The following DOCK10 variants were observed in gnomAD, a reference collection of about 807,000 sequenced individuals.
DOCK10 encodes dedicator of cytokinesis protein 10.
A neutral mutation model predicts 280.1 loss-of-function variants in DOCK10; 145 were observed. The ratio of observed to expected loss-of-function variants is 0.52; its 90% confidence interval spans 0.45 to 0.59. The LOEUF is 0.59. Among genes scored for constraint, DOCK10 ranks in the 20% least tolerant of loss-of-function variants. The pLI is 0.00. For missense variants in DOCK10, 2,368 were observed against 2,651.7 expected, an observed-to-expected ratio of 0.89 and a Z score of 2.35; for synonymous variants, 915 against 942.2, an observed-to-expected ratio of 0.97 and a Z score of 0.53.
intron 31 of DOCK10, among the ~76,000 whole-genome samples, chr2:224,812,795 A>C (rs905156981): frequency 6.6e-6 from 1 of 152,106 alleles, no homozygotes; most frequent in Non-Finnish European, 1.5e-5. Flanking sequence ...ACACTTATTG[A>C]TTTGCGTATG....
At chr2:224,924,214 T>A (rs956237576) in intron 2 of DOCK10, among the ~76,000 whole-genome samples, 1 of 152,240 alleles carries the variant, frequency 6.6e-6, no homozygotes, top group Non-Finnish European at 1.5e-5. Flanking sequence ...ATAACTGATC[T>A]GTCATAAAAT....
At chr2:224,967,082 CTTT>C (rs11381058) in intron 1 of DOCK10, among the ~76,000 whole-genome samples, 1 of 142,942 alleles carries the variant, frequency 7.0e-6, no homozygotes. Flanking sequence ...ATCCTCTAGT[CTTT>C]TTTTTTTTTT....
At chr2:224,962,883 A>G (rs1490365894) in intron 1 of DOCK10, among the ~76,000 whole-genome samples, 1 of 152,232 alleles carries the variant, frequency 6.6e-6, no homozygotes, top group East Asian at 1.9e-4. Context: ...ACAATTAGGC[A>G]GCCTAGGATT....
chr2:224,850,273 T>C (rs1005257299), intron 18 of DOCK10, among the ~76,000 whole-genome samples: 22 of 152,194 alleles, frequency 1.4e-4, no homozygotes, highest in African/African-American at 5.1e-4. Context: ...CTTTCACTAT[T>C]TTCTGAGTCA....
chr2:225,027,203 G>C (rs1244967087), intron 1 of DOCK10, among the ~76,000 whole-genome samples: 1 of 152,136 alleles, frequency 6.6e-6, no homozygotes, highest in Admixed American at 6.5e-5. Context: ...GCCCTACACA[G>C]ACCTCGCCTG....
At chr2:225,014,081 A>ATATATATATATATATATTTTTT (rs776104946) in intron 1 of DOCK10, among the ~76,000 whole-genome samples, 13 of 96,798 alleles carry the variant, frequency 1.3e-4, no homozygotes, top group African/African-American at 6.1e-4. Flanking sequence ...GTCTGAATAT[A>ATATATATATATATATATTTTTT]TTGTTTTTTT....
At chr2:224,876,327 T>C in intron 7 of DOCK10, 106 bp from the exon 8 acceptor site, 1 of 993,494 alleles carries the variant, frequency 1.0e-6, no homozygotes, top group Non-Finnish European at 1.4e-6. Flanking sequence ...TCCATACAGA[T>C]AGATAACATA....
chr2:224,824,934 A>G (rs567799714), intron 27 of DOCK10, among the ~76,000 whole-genome samples: 1 of 151,566 alleles, frequency 6.6e-6, no homozygotes, highest in African/African-American at 2.4e-5. Context: ...ACAGATATTT[A>G]ATGGAATTTA....
chr2:224,834,662 A>G (rs996457500), intron 25 of DOCK10, among the ~76,000 whole-genome samples: 1 of 152,168 alleles, frequency 6.6e-6, no homozygotes, highest in African/African-American at 2.4e-5. Flanking sequence ...CAAGTGGGGA[A>G]GCCAGTGCCT....
chr2:224,812,086 A>G (rs1693821434), intron 31 of DOCK10, among the ~76,000 whole-genome samples: 1 of 152,072 alleles, frequency 6.6e-6, no homozygotes, highest in Admixed American at 6.5e-5. Context: ...CAGTATGGCC[A>G]TTTTCACAAT....
rs1477229010 is a variant in DOCK10 at position 224,805,763 on chromosome 2, T to A, written c.3815-234A>T. On this transcript the variant is annotated intron_variant, in intron 34 of 55. Coordinates refer to ENST00000258390, the MANE Select transcript of DOCK10 (RefSeq NM_014689.3). This position sits in a 1 kb window ranked among gnomAD's most constrained non-coding sequence, Gnocchi z 4.3. ...GGGGCTTTCAACTTTTGACTGTTTA[T>A]GAGAAACTGAAATGACATTTCCAAA... 6.6e-6 allele frequency among the ~76,000 whole-genome samples: 1 copy of A among 152,164 alleles called. No individual in the cohort carries two copies. Among genetic ancestry groups the A allele is most frequent in the Non-Finnish European group, 1.5e-5 (1 of 68,016 alleles).
chr2:224,793,531 G>T, intron 45 of DOCK10, 74 bp from the exon 46 acceptor site: 1 of 1,172,642 alleles, frequency 8.5e-7, no homozygotes, highest in Non-Finnish European at 1.3e-6. Context: ...TCCAAGGCGA[G>T]TCAGTATTCC....
At chr2:224,896,708 C>T (rs1700007531) in intron 3 of DOCK10, among the ~76,000 whole-genome samples, 1 of 152,034 alleles carries the variant, frequency 6.6e-6, no homozygotes, top group Non-Finnish European at 1.5e-5. Flanking sequence ...CAGAGTGAGA[C>T]TTCGTCTCAC....
At chr2:224,939,646 G>C (rs757982219) in intron 1 of DOCK10, among the ~76,000 whole-genome samples, 1 of 152,168 alleles carries the variant, frequency 6.6e-6, no homozygotes, top group Non-Finnish European at 1.5e-5. Context: ...GAGTAAACTG[G>C]AGAATTTTAG....
At chr2:225,038,369 C>G (rs376529474) in intron 1 of DOCK10, among the ~76,000 whole-genome samples, 1 of 152,080 alleles carries the variant, frequency 6.6e-6, no homozygotes, top group South Asian at 2.1e-4. Flanking sequence ...CTCACGCTCA[C>G]GTAAACATGT....
chr2:224,831,059 G>C (rs867397498), intron 26 of DOCK10, among the ~76,000 whole-genome samples: 1 of 151,820 alleles, frequency 6.6e-6, no homozygotes, highest in Non-Finnish European at 1.5e-5. Flanking sequence ...TCAGTCTCCC[G>C]GACAGCTGCG....
At chr2:224,853,690 C>T (rs1696904451) in intron 16 of DOCK10, among the ~76,000 whole-genome samples, 8 of 152,128 alleles carry the variant, frequency 5.3e-5, no homozygotes, top group Admixed American at 5.2e-4. Flanking sequence ...AAAACCTACC[C>T]TTGGAGGAAC....
intron 1 of DOCK10, among the ~76,000 whole-genome samples, chr2:225,014,055 C>A (rs1276952039): frequency 2.9e-5 from 4 of 139,964 alleles, no homozygotes; most frequent in South Asian, 2.4e-4. Flanking sequence ...AAAATGTATT[C>A]AAAAAATCCC....
chr2:224,800,267 TA>T lies in DOCK10; in HGVS notation c.4394-5del. 6.3e-7 allele frequency: 1 copy of T among 1,588,384 alleles called. No individual in the cohort carries two copies. Among genetic ancestry groups the T allele is most frequent in the Non-Finnish European group, 8.6e-7 (1 of 1,159,362 alleles). ...ATGTCTATTTCATTGGAGTTGCCTA[TA>T]AAATACAAAATAAAACATGCGTAAA... On this transcript the variant is annotated splice_polypyrimidine_tract_variant and splice_region_variant and intron_variant, in intron 40 of 55. Coordinates refer to ENST00000258390, the MANE Select transcript of DOCK10 (RefSeq NM_014689.3).
Sources: allele counts gnomAD v4.1 joint callset (sites outside exome capture counted in the v4.1 genomes callset), GRCh38; gene constraint gnomAD v4.1.1; non-coding constraint Gnocchi (gnomAD v3.1); transcripts MANE v1.5; gene names NCBI Gene and HGNC (gene_info 2026-07-23, HGNC 2026-07-21).